Variants in GRM7 observed in about 807,000 individuals in gnomAD.
The protein encoded by GRM7 is metabotropic glutamate receptor 7.
A neutral mutation model predicts 84.5 loss-of-function variants in GRM7; 35 were observed. The ratio of observed to expected loss-of-function variants is 0.41; its 90% CI spans 0.32 to 0.55. GRM7 has a LOEUF of 0.55. Among genes scored for constraint, GRM7 ranks in the 20% least tolerant of loss-of-function variants. The pLI is 0.19. For missense variants in GRM7, 1,003 were observed against 1,194.6 expected (o/e 0.84, Z 2.36); for synonymous variants, 487 against 455.1 (o/e 1.07, Z -0.89).
chr3:7,537,542 C>G (rs1193999719), intron 7 of GRM7, among the ~76,000 whole-genome samples: 2 of 152,188 alleles, frequency 1.3e-5, no homozygotes, highest in Non-Finnish European at 2.9e-5. Flanking sequence ...CTAGGCTTAA[C>G]TACTATCCCA....
At chr3:7,667,756 A>G (rs1278803485) in intron 8 of GRM7, among the ~76,000 whole-genome samples, 3 of 152,052 alleles carry the variant, frequency 2.0e-5, no homozygotes, top group Non-Finnish European at 4.4e-5. Context: ...GGTAGGTTTT[A>G]AAAATATTTA....
intron 1 of GRM7, among the ~76,000 whole-genome samples, chr3:7,060,854 T>C (rs1481891854): frequency 1.3e-5 from 2 of 151,788 alleles, no homozygotes; most frequent in Non-Finnish European, 2.9e-5. Flanking sequence ...CATATGTTGA[T>C]GTTTTTGTGT....
At chr3:7,200,799 G>T (rs1696040012) in intron 2 of GRM7, among the ~76,000 whole-genome samples, 1 of 152,038 alleles carries the variant, frequency 6.6e-6, no homozygotes, top group African/African-American at 2.4e-5. Flanking sequence ...TCAAGTGACT[G>T]CAACAATTGC....
At chr3:7,221,804 ATT>A (rs540956206) in intron 2 of GRM7, among the ~76,000 whole-genome samples, 3,295 of 97,574 alleles carry the variant, frequency 0.034, 42 homozygotes, top group African/African-American at 0.12. Flanking sequence ...AATTTCTTGT[ATT>A]TTTTTTTTTT....
intron 1 of GRM7, among the ~76,000 whole-genome samples, chr3:7,145,032 G>A (rs1694066409): frequency 6.6e-6 from 1 of 152,116 alleles, no homozygotes; most frequent in Non-Finnish European, 1.5e-5. Context: ...TGATTTTTAC[G>A]GAGGCGATAA....
At chr3:7,283,334 G>C (rs557732937) in intron 2 of GRM7, among the ~76,000 whole-genome samples, 1 of 152,138 alleles carries the variant, frequency 6.6e-6, no homozygotes, top group East Asian at 1.9e-4. Context: ...TAGATAATGC[G>C]TATAAAGTAG....
intron 1 of GRM7, among the ~76,000 whole-genome samples, chr3:7,097,813 A>G (rs1013161318): frequency 6.6e-6 from 1 of 152,076 alleles, no homozygotes; most frequent in African/African-American, 2.4e-5. Context: ...TTGACATTCG[A>G]AGCCATGCTT....
At chr3:7,107,077 G>C (rs1223678500) in intron 1 of GRM7, among the ~76,000 whole-genome samples, 2 of 151,996 alleles carry the variant, frequency 1.3e-5, no homozygotes, top group African/African-American at 2.4e-5. Flanking sequence ...GGACAGGATA[G>C]CCTGACTTGA....
chr3:7,444,571 C>A (rs1029547946), intron 5 of GRM7, among the ~76,000 whole-genome samples: 2 of 152,094 alleles, frequency 1.3e-5, no homozygotes, highest in South Asian at 4.1e-4. Context: ...TTGCTCTTGG[C>A]CATAAAGTCC....
chr3:7,473,235 AG>A (rs1318977667), intron 7 of GRM7, among the ~76,000 whole-genome samples: 1 of 152,202 alleles, frequency 6.6e-6, no homozygotes, highest in Non-Finnish European at 1.5e-5. Flanking sequence ...TGGGAAGCCA[AG>A]GCAGGAGGAT....
chr3:7,578,454 A>G lies in GRM7; in HGVS notation c.1548A>G (p.Arg516=), dbSNP rs1249351584. 2 of 1,613,356 alleles carry G rather than the reference A, an allele frequency of 1.2e-6. No homozygotes were observed. The highest frequency in any genetic ancestry group is 1.7e-6 in the Non-Finnish European group (2 of 1,179,454). The change falls in exon 8 of 10, where the codon CGA becomes CGG. Residue 516 remains arginine, a synonymous_variant. Coordinates refer to ENST00000357716, the MANE Select transcript of GRM7 (RefSeq NM_000844.4). ...IEDMQWGKGV[R]EIPASVCTLP... is the part of the protein sequence containing the mutation. ...ACATGCAGTGGGGTAAAGGAGTCCGAGAGATACCCGCCTCAGTGTGCACAC... is the reference window on the plus strand; with the variant it reads ...ACATGCAGTGGGGTAAAGGAGTCCGGGAGATACCCGCCTCAGTGTGCACAC...
chr3:7,394,807 G>A (rs189207277), intron 4 of GRM7, among the ~76,000 whole-genome samples: 10 of 152,222 alleles, frequency 6.6e-5, no homozygotes, highest in Admixed American at 5.9e-4. Flanking sequence ...GGAGGCCAAG[G>A]CGGGCAGGTC....
chr3:7,192,937 G>C (rs1280205899), intron 2 of GRM7, among the ~76,000 whole-genome samples: 1 of 152,104 alleles, frequency 6.6e-6, no homozygotes, highest in African/African-American at 2.4e-5. Flanking sequence ...CGAATTTTCT[G>C]ATCATTTCTT....
At chr3:7,004,104 G>T (rs1433771937) in intron 1 of GRM7, among the ~76,000 whole-genome samples, 2 of 152,140 alleles carry the variant, frequency 1.3e-5, no homozygotes, top group African/African-American at 2.4e-5. Context: ...AACAGAAGCT[G>T]CATGGTCTTT....
intron 2 of GRM7, among the ~76,000 whole-genome samples, chr3:7,186,178 G>A (rs1695506817): frequency 6.6e-6 from 1 of 152,124 alleles, no homozygotes; most frequent in African/African-American, 2.4e-5. Context: ...TATGTCCATT[G>A]CCATTAAAGA....
Position 7,578,985 on chromosome 3 carries a change from T to TC in GRM7, c.2082dup (p.Arg695GlnfsTer30). Reference sequence around the variant, plus strand: ...AGCAGGGCAAGAAATCAGTAACAGCTCCCAGACTCATAAGCCCAACATCAC... The same window carrying TC: ...AGCAGGGCAAGAAATCAGTAACAGCTCCCCAGACTCATAAGCCCAACATCAC... On this transcript the variant is annotated frameshift_variant, in exon 8 of 10. Transcript: ENST00000357716. LOFTEE classifies it high-confidence loss of function. The TC allele has an allele frequency of 6.2e-7, 1 of 1,614,082 alleles. No homozygotes were observed. The highest frequency in any genetic ancestry group is 1.3e-5 in the African/African-American group (1 of 75,016).
At chr3:7,422,603 C>T (rs1559311098) in intron 5 of GRM7, among the ~76,000 whole-genome samples, 1 of 152,084 alleles carries the variant, frequency 6.6e-6, no homozygotes, top group Non-Finnish European at 1.5e-5. Context: ...AATTTAGATC[C>T]ATTCATATCC....
At chr3:6,906,994 A>G (rs1043841669) in intron 1 of GRM7, among the ~76,000 whole-genome samples, 1 of 152,174 alleles carries the variant, frequency 6.6e-6, no homozygotes, top group Non-Finnish European at 1.5e-5. Context: ...AACACCTCCC[A>G]ATATTCCCTT....
In GRM7 at chr3:7,076,488, A is replaced by G. The variant is rs577617277; in HGVS notation, c.520-69964A>G. On this transcript the variant is annotated intron_variant, in intron 1 of 9. Transcript: ENST00000357716. The stretch of plus-strand genomic sequence containing the variant: ...TCCTGTCTCTCGCCTGCTGCCATGT[A>G]AGATGCACTTGCTTCCCCTTCACCT... 1.5e-3 allele frequency among the ~76,000 whole-genome samples: 221 copies of G among 152,262 alleles called. 2 individuals are homozygous for G. Among genetic ancestry groups the G allele is most frequent in the African/African-American group, 5.2e-3 (215 of 41,552 alleles).
Sources: gnomAD v4.1 joint callset for allele counts (sites outside exome capture counted in the v4.1 genomes callset) on GRCh38, gnomAD v4.1.1 for gene constraint, MANE v1.5 for transcripts, NCBI Gene and HGNC (gene_info 2026-07-23, HGNC 2026-07-21) for gene names.